ALKBH3: variants seen among roughly 807,000 people sequenced by gnomAD.
ALKBH3 encodes alkB homolog 3, alpha-ketoglutarate dependent dioxygenase, also known as alpha-ketoglutarate-dependent dioxygenase alkB homolog 3.
ALKBH3 carries 51 observed loss-of-function variants against 43.9 expected under a neutral mutation model. That is an observed-to-expected ratio of 1.16 (90% CI 0.93 to 1.47). ALKBH3 has a LOEUF of 1.47. ALKBH3 is among the 40% of genes most tolerant of loss of function. ALKBH3 has a pLI of 0.00. For synonymous variants in ALKBH3, 102 were observed against 115.2 expected (o/e 0.89, Z 0.73); for missense variants, 361 against 351.9 (o/e 1.03, Z -0.21).
chr11:43,889,882 T>A (rs889817964), intron 6 of ALKBH3, 54 bp downstream of exon 6: 1 of 1,417,770 alleles, frequency 7.1e-7, no homozygotes, highest in African/African-American at 1.4e-5. Context: ...CTCTCTGGAA[T>A]GTTTCCTAGT....
intron 7 of ALKBH3, among the ~76,000 whole-genome samples, chr11:43,896,623 C>A (rs190003929): frequency 6.6e-6 from 1 of 152,334 alleles, no homozygotes; most frequent in Non-Finnish European, 1.5e-5. Flanking sequence ...AACACCCTCA[C>A]AGACACACCC....
intron 1 of ALKBH3, chr11:43,881,454 AG>A (rs1431028494): frequency 6.6e-6 from 1 of 152,252 alleles, no homozygotes; most frequent in Non-Finnish European, 1.5e-5. Flanking sequence ...AAGGTGAGCA[AG>A]TCGTATCCTC....
intron 7 of ALKBH3, among the ~76,000 whole-genome samples, chr11:43,895,195 T>C (rs1268504183): frequency 6.6e-6 from 1 of 152,220 alleles, no homozygotes; most frequent in Non-Finnish European, 1.5e-5. Context: ...GTTTCTTCAC[T>C]GCGAAACATA....
chr11:43,906,749 A>G (rs1951898903), intron 8 of ALKBH3, among the ~76,000 whole-genome samples: 1 of 152,358 alleles, frequency 6.6e-6, no homozygotes, highest in Non-Finnish European at 1.5e-5. Context: ...CTTGAAATCA[A>G]TTGTTGATAG....
intron 8 of ALKBH3, among the ~76,000 whole-genome samples, chr11:43,914,336 T>G (rs1417673009): frequency 6.6e-6 from 1 of 152,186 alleles, no homozygotes; most frequent in African/African-American, 2.4e-5. Flanking sequence ...CTTGCCTCCC[T>G]TACAAGGTTG....
At chr11:43,901,846 C>T in intron 8 of ALKBH3, 121 bp downstream of exon 8, 1 of 1,188,244 alleles carries the variant, frequency 8.4e-7, no homozygotes, top group South Asian at 1.5e-5. Flanking sequence ...GTTGATGAAA[C>T]ATTTTCAAGT....
At chr11:43,888,665 T>A (rs758553950) in intron 5 of ALKBH3, among the ~76,000 whole-genome samples, 5 of 152,188 alleles carry the variant, frequency 3.3e-5, no homozygotes, top group Admixed American at 6.5e-5. Context: ...AGCAAGTCAC[T>A]CAAGAAAACC....
At chr11:43,897,679 T>C (rs1951829145) in intron 7 of ALKBH3, 11 of 831,036 alleles carry the variant, frequency 1.3e-5, no homozygotes, top group Admixed American at 8.5e-5. Flanking sequence ...ATTGCAGGAG[T>C]TGATTACGTT....
intron 8 of ALKBH3, among the ~76,000 whole-genome samples, chr11:43,914,300 A>G (rs375987342): frequency 6.6e-6 from 1 of 152,202 alleles, no homozygotes; most frequent in Admixed American, 6.5e-5. Context: ...CCCTTTGCTT[A>G]TGATAAAATG....
intron 7 of ALKBH3, chr11:43,898,287 A>G (rs1951834461): frequency 4.0e-6 from 3 of 741,152 alleles, no homozygotes; most frequent in Admixed American, 4.1e-5. Flanking sequence ...TCCTATGTGC[A>G]TGGGATTTTA....
intron 7 of ALKBH3, chr11:43,898,461 CA>C: frequency 1.1e-6 from 1 of 904,198 alleles, no homozygotes; most frequent in Non-Finnish European, 1.8e-6. Flanking sequence ...TCTGTATGCT[CA>C]GGCTGGGGCA....
intron 5 of ALKBH3, among the ~76,000 whole-genome samples, chr11:43,887,605 A>G (rs944179667): frequency 4.3e-4 from 66 of 152,088 alleles, no homozygotes; most frequent in Non-Finnish European, 7.2e-4. Flanking sequence ...GTGAGCCACC[A>G]CGTCTGGCCT....
At chr11:43,890,587 T>C (rs11037711) in intron 6 of ALKBH3, among the ~76,000 whole-genome samples, 35,038 of 152,072 alleles carry the variant, frequency 0.23, 4,644 homozygotes, top group Admixed American at 0.39. Context: ...TCATAGTGGC[T>C]GGGCGTGGTG....
intron 7 of ALKBH3, among the ~76,000 whole-genome samples, chr11:43,895,809 GTCA>G (rs1383776021): frequency 6.6e-6 from 1 of 152,160 alleles, no homozygotes; most frequent in African/African-American, 2.4e-5. Flanking sequence ...CATTGTGTTC[GTCA>G]TCATCATGCG....
chr11:43,899,383 C>T lies in ALKBH3; in HGVS notation c.460-2133C>T, dbSNP rs1423508182. The T allele has an allele frequency of 1.9e-5, 13 of 701,274 alleles. No homozygotes were observed. The East Asian group carries it at 2.2e-4, about 12-fold the overall frequency. The allele number at this position is 701,274 out of a possible 1,614,324, so 43.4% of individuals were successfully genotyped here. A position where few individuals can be genotyped will look rare whatever the true frequency, so the allele number is the denominator to read the frequency against. On this transcript the variant is annotated intron_variant, in intron 7 of 9. Coordinates refer to ENST00000302708, the MANE Select transcript of ALKBH3 (RefSeq NM_139178.4). Reference sequence around the variant, plus strand: ...GCCTGCCCCAGGTGGATGATGTGCTCGCGTCCCTGCAGATCTCTTCGCACA... The same window carrying T: ...GCCTGCCCCAGGTGGATGATGTGCTTGCGTCCCTGCAGATCTCTTCGCACA...
intron 6 of ALKBH3, among the ~76,000 whole-genome samples, chr11:43,891,684 A>G (rs1951784443): frequency 6.6e-6 from 1 of 150,894 alleles, no homozygotes; most frequent in South Asian, 2.1e-4. Context: ...AAATTTCTGC[A>G]GACAGGGGTT....
At chr11:43,912,655 T>A (rs546004616) in intron 8 of ALKBH3, among the ~76,000 whole-genome samples, 1 of 152,338 alleles carries the variant, frequency 6.6e-6, no homozygotes, top group East Asian at 1.9e-4. Flanking sequence ...CTGAGATCAG[T>A]AATTTGGAAG....
chr11:43,906,889 T>C (rs533207184), intron 8 of ALKBH3, among the ~76,000 whole-genome samples: 3 of 152,342 alleles, frequency 2.0e-5, no homozygotes, highest in African/African-American at 7.2e-5. Flanking sequence ...GTAAATGGGA[T>C]TGATAATTGG....
At chr11:43,886,111 T>C (rs1031526360) in intron 4 of ALKBH3, among the ~76,000 whole-genome samples, 3 of 152,200 alleles carry the variant, frequency 2.0e-5, no homozygotes, top group African/African-American at 4.8e-5. Flanking sequence ...TGTCAGAAGA[T>C]AGAGCTACAT....
Sources: allele counts gnomAD v4.1 joint callset (sites outside exome capture counted in the v4.1 genomes callset), GRCh38; gene constraint gnomAD v4.1.1; transcripts MANE v1.5; gene names NCBI Gene and HGNC (gene_info 2026-07-23, HGNC 2026-07-21).